The following ACACB variants were observed in gnomAD, a reference collection of about 807,000 sequenced individuals.
ACACB encodes acetyl-CoA carboxylase 2.
ACACB carries 209 observed loss-of-function variants against 278.8 expected under a neutral mutation model. The observed-to-expected ratio is 0.75, with a 90% CI of 0.67 to 0.84. The LOEUF is 0.84. Among genes scored for constraint, ACACB ranks in the 40% least tolerant of loss-of-function variants. ACACB has a pLI of 0.00. For synonymous variants in ACACB, 1,174 were observed against 1,285.6 expected (o/e 0.91, Z 1.86); for missense variants, 2,850 against 3,269.0 (o/e 0.87, Z 3.13).
chr12:109,151,869 G>C (rs1456189519), intron 2 of ACACB, among the ~76,000 whole-genome samples: 2 of 152,202 alleles, frequency 1.3e-5, no homozygotes, highest in East Asian at 3.9e-4. Context: ...GTGGATATTA[G>C]GTTGGTGCAA....
intron 12 of ACACB, among the ~76,000 whole-genome samples, chr12:109,186,933 C>T (rs2044683036): frequency 6.6e-6 from 1 of 152,092 alleles, no homozygotes; most frequent in African/African-American, 2.4e-5. Flanking sequence ...GTTCAGGAGC[C>T]CTAATCCCAG....
chr12:109,117,498 G>A (rs2135924908), intron 1 of ACACB, among the ~76,000 whole-genome samples: 1 of 152,180 alleles, frequency 6.6e-6, no homozygotes, highest in East Asian at 1.9e-4. Context: ...TAATATGCAA[G>A]TTAAAAAGTC....
intron 2 of ACACB, among the ~76,000 whole-genome samples, chr12:109,145,620 G>A (rs557265772): frequency 6.6e-6 from 1 of 152,086 alleles, no homozygotes; most frequent in Non-Finnish European, 1.5e-5. Flanking sequence ...GGAGCACTGA[G>A]GAAAGGAAGC....
intron 13 of ACACB, among the ~76,000 whole-genome samples, chr12:109,191,294 A>T (rs1386317133): frequency 6.6e-6 from 1 of 151,292 alleles, no homozygotes; most frequent in East Asian, 1.9e-4. Context: ...GCTCCCTGCA[A>T]CCTCTGCCTC....
intron 28 of ACACB, among the ~76,000 whole-genome samples, chr12:109,230,339 CTGGGGTCATTCTGGGGATT>C (rs1357356346): frequency 1.3e-5 from 2 of 152,172 alleles, no homozygotes; most frequent in African/African-American, 4.8e-5. Context: ...TGCTTGCAGC[CTGGGGTCATTCTGGGGATT>C]TGGAGAGCAG....
intron 19 of ACACB, 39 bp from the exon 20 acceptor site, chr12:109,206,671 G>A: frequency 6.2e-7 from 1 of 1,610,490 alleles, no homozygotes. Flanking sequence ...GGAATTCCCA[G>A]AGTTTTCCTG....
chr12:109,210,455 GTATA>G (rs752486878), intron 21 of ACACB, among the ~76,000 whole-genome samples: 12 of 140,796 alleles, frequency 8.5e-5, no homozygotes, highest in East Asian at 4.1e-4. Flanking sequence ...GTGTATATAT[GTATA>G]TATACGCACA....
chr12:109,235,714 G>A (rs1447481816), intron 33 of ACACB, 67 bp downstream of exon 33: 3 of 1,438,646 alleles, frequency 2.1e-6, no homozygotes, highest in Admixed American at 1.8e-5. Flanking sequence ...GAGATGGGAT[G>A]GGGCCGGGTG....
intron 2 of ACACB, among the ~76,000 whole-genome samples, chr12:109,142,082 T>TA (rs35186286): frequency 0.098 from 14,698 of 150,046 alleles, 1,092 homozygotes; most frequent in East Asian, 0.35. Context: ...ACCTCATCTC[T>TA]AAAAAAAAAA....
chr12:109,140,076 C>T lies in ACACB; in HGVS notation c.653+18C>T, dbSNP rs957013375. ...ACTATGAGGTAATGTGCATTTTCTC[C>T]TTGTAACTGAGGAGTGCAGAGTTCA... On this transcript the variant is annotated intron_variant, in intron 2 of 52. Coordinates refer to ENST00000338432, the MANE Select transcript of ACACB (RefSeq NM_001093.4). The T allele has an allele frequency of 4.5e-6, 7 of 1,560,856 alleles. No individual in the cohort carries two copies. The highest frequency in any genetic ancestry group is 6.0e-6 in the Non-Finnish European group (7 of 1,159,604).
intron 2 of ACACB, among the ~76,000 whole-genome samples, chr12:109,158,170 C>T (rs965753841): frequency 2.0e-5 from 3 of 152,224 alleles, no homozygotes; most frequent in East Asian, 3.9e-4. Flanking sequence ...CTATTATAAA[C>T]GGCCAGACAG....
At chr12:109,240,393 C>G (rs1427338732) in intron 35 of ACACB, among the ~76,000 whole-genome samples, 5 of 151,858 alleles carry the variant, frequency 3.3e-5, no homozygotes, top group Admixed American at 2.0e-4. Context: ...GAAAGAAGCC[C>G]CACTTGTAAT....
At chr12:109,193,797 T>A in intron 16 of ACACB, 68 bp downstream of exon 16, 1 of 1,396,142 alleles carries the variant, frequency 7.2e-7, no homozygotes, top group Non-Finnish European at 1.0e-6. Flanking sequence ...CTTTCTTCCA[T>A]GAACCATCCC....
chr12:109,120,222 C>T (rs961918347), intron 1 of ACACB, among the ~76,000 whole-genome samples: 3 of 152,168 alleles, frequency 2.0e-5, no homozygotes, highest in Non-Finnish European at 4.4e-5. Context: ...AAGGTGGAAA[C>T]AGGCCTCCAG....
chr12:109,240,124 G>A, intron 35 of ACACB, 139 bp downstream of exon 35: 2 of 1,009,846 alleles, frequency 2.0e-6, no homozygotes, highest in Non-Finnish European at 2.8e-6. Flanking sequence ...GTTGCTGCGG[G>A]AGGAGAGCAA....
intron 11 of ACACB, 84 bp from the exon 12 acceptor site, chr12:109,185,495 C>A: frequency 4.1e-6 from 6 of 1,451,548 alleles, no homozygotes; most frequent in Non-Finnish European, 5.7e-6. Flanking sequence ...ACTGAACCTC[C>A]GTTGCATCTA....
At chr12:109,118,711 G>A (rs1433743364) in intron 1 of ACACB, among the ~76,000 whole-genome samples, 1 of 152,164 alleles carries the variant, frequency 6.6e-6, no homozygotes, top group African/African-American at 2.4e-5. Flanking sequence ...ACTGCACCCG[G>A]CCTGGAATAC....
chr12:109,249,616 C>G (rs1230444522), intron 40 of ACACB: 1 of 156,658 alleles, frequency 6.4e-6, no homozygotes, highest in African/African-American at 2.4e-5. Context: ...CTCAGCTTCC[C>G]AAGTAGCTGG....
chr12:109,133,240 T>C (rs1262520688), intron 1 of ACACB, among the ~76,000 whole-genome samples: 1 of 148,360 alleles, frequency 6.7e-6, no homozygotes, highest in Non-Finnish European at 1.5e-5. Context: ...GCACTTCTCT[T>C]TCTCTCTCTC....
Sources: allele counts gnomAD v4.1 joint callset (sites outside exome capture counted in the v4.1 genomes callset), GRCh38; gene constraint gnomAD v4.1.1; transcripts MANE v1.5; gene names NCBI Gene and HGNC (gene_info 2026-07-23, HGNC 2026-07-21).